The following VTI1A variants were observed in gnomAD, a reference collection of about 807,000 sequenced individuals.
VTI1A encodes the protein vesicle transport through interaction with t-SNAREs homolog 1A.
VTI1A carries 22 observed loss-of-function variants against 34.9 expected under a neutral mutation model. The ratio of observed to expected loss-of-function variants is 0.63; its 90% confidence interval spans 0.45 to 0.90. VTI1A has a LOEUF of 0.90. Ranked by LOEUF, VTI1A falls within the 40% of genes least tolerant of loss-of-function variation. VTI1A has a pLI of 0.00. For synonymous variants in VTI1A, 87 were observed against 97.3 expected (o/e 0.89, Z 0.62); for missense variants, 268 against 275.6 (o/e 0.97, Z 0.20).
intron 5 of VTI1A, among the ~76,000 whole-genome samples, chr10:112,620,528 C>A: frequency 6.6e-6 from 1 of 152,220 alleles, no homozygotes; most frequent in African/African-American, 2.4e-5. Flanking sequence ...CGGTGGCTCA[C>A]GTCTGTAATC....
intron 7 of VTI1A, among the ~76,000 whole-genome samples, chr10:112,742,485 C>G (rs1379062516): frequency 6.6e-6 from 1 of 152,148 alleles, no homozygotes; most frequent in African/African-American, 2.4e-5. Context: ...ATAAGAAACC[C>G]AAAACTATTT....
At chr10:112,660,673 T>C (rs920644797) in intron 5 of VTI1A, among the ~76,000 whole-genome samples, 1 of 152,216 alleles carries the variant, frequency 6.6e-6, no homozygotes, top group Non-Finnish European at 1.5e-5. Flanking sequence ...ACTGAGGAAC[T>C]AAAGTCTTAT....
chr10:112,669,477 G>T (rs79233749), intron 7 of VTI1A, among the ~76,000 whole-genome samples: 1 of 152,118 alleles, frequency 6.6e-6, no homozygotes, highest in African/African-American at 2.4e-5. Flanking sequence ...TTTATAAAAC[G>T]TCAAGATTAT....
chr10:112,552,121 G>A (rs1030059832), intron 5 of VTI1A, among the ~76,000 whole-genome samples: 2 of 152,034 alleles, frequency 1.3e-5, no homozygotes, highest in Non-Finnish European at 2.9e-5. Context: ...TAACACAGGC[G>A]ATAACATTGT....
At chr10:112,712,474 T>TCACACACACACACACA (rs60129148) in intron 7 of VTI1A, among the ~76,000 whole-genome samples, 47 of 143,486 alleles carry the variant, frequency 3.3e-4, no homozygotes, top group African/African-American at 1.2e-3. Context: ...TCAACTATTA[T>TCACACACACACACACA]CACACACACA....
At chr10:112,713,994 C>T (rs573758171) in intron 7 of VTI1A, among the ~76,000 whole-genome samples, 41 of 152,244 alleles carry the variant, frequency 2.7e-4, no homozygotes, top group Admixed American at 2.3e-3. Flanking sequence ...CTTTTCCTTC[C>T]ACTCTTCCCC....
chr10:112,717,861 T>A (rs1482368697), intron 7 of VTI1A, among the ~76,000 whole-genome samples: 1 of 152,138 alleles, frequency 6.6e-6, no homozygotes, highest in Non-Finnish European at 1.5e-5. Flanking sequence ...TGCAACCAGT[T>A]TTGGAAAATA....
At chr10:112,814,846 T>G (rs1223827828) in intron 7 of VTI1A, among the ~76,000 whole-genome samples, 2 of 152,206 alleles carry the variant, frequency 1.3e-5, no homozygotes, top group Non-Finnish European at 2.9e-5. Context: ...CAGGTATTTT[T>G]GTGCAGGTAA....
chr10:112,702,879 C>T (rs893480322), intron 7 of VTI1A, among the ~76,000 whole-genome samples: 11 of 152,216 alleles, frequency 7.2e-5, no homozygotes, highest in African/African-American at 2.2e-4. Context: ...ACCCACTGCG[C>T]CTGGCTCTGC....
At chr10:112,823,701 G>A (rs72824074), downstream of VTI1A, 5,860 of 152,304 alleles carry the variant, frequency 0.038, 147 homozygotes, top group East Asian at 0.052. Context: ...AAATGCAGCC[G>A]CATGTTCCGC....
intron 3 of VTI1A, among the ~76,000 whole-genome samples, chr10:112,474,342 C>T (rs866759070): frequency 7.9e-5 from 12 of 152,116 alleles, no homozygotes; most frequent in Admixed American, 3.3e-4. Flanking sequence ...CGTGAGCCAC[C>T]ACGCCCGGCA....
chr10:112,462,512 C>T (rs1847757823), intron 2 of VTI1A, among the ~76,000 whole-genome samples: 1 of 152,116 alleles, frequency 6.6e-6, no homozygotes, highest in African/African-American at 2.4e-5. Context: ...ATCCTGTTTA[C>T]CTTGTTAGAA....
rs532821095 is a variant in VTI1A at position 112,750,074 on chromosome 10, G to A, written c.561-65216G>A. The stretch of plus-strand genomic sequence containing the variant: ...GTTACCTGGAGGTAGAGATGAATGA[G>A]GAGGAACTGTCACATGTTATCTTAT... On this transcript the variant is annotated intron_variant, in intron 7 of 7. Coordinates refer to ENST00000393077, the MANE Select transcript of VTI1A (RefSeq NM_145206.4). 4.6e-5 allele frequency among the ~76,000 whole-genome samples: 7 copies of A among 152,330 alleles called. No homozygotes were observed. The South Asian group carries it at 1.5e-3, about 32-fold the overall frequency.
At chr10:112,751,651 A>G (rs1851110906) in intron 7 of VTI1A, among the ~76,000 whole-genome samples, 1 of 152,156 alleles carries the variant, frequency 6.6e-6, no homozygotes, top group Non-Finnish European at 1.5e-5. Context: ...AATAGGACCA[A>G]TAAAGGGGAT....
At chr10:112,480,721 G>A (rs1848434712) in intron 3 of VTI1A, among the ~76,000 whole-genome samples, 1 of 152,026 alleles carries the variant, frequency 6.6e-6, no homozygotes, top group East Asian at 1.9e-4. Flanking sequence ...AGGAAGGGGA[G>A]GACTGGAGTG....
chr10:112,830,933 T>C, the VTI1A span, among the ~76,000 whole-genome samples: 1 of 148,196 alleles, frequency 6.7e-6, no homozygotes, highest in Non-Finnish European at 1.5e-5. Flanking sequence ...CACAGCAGCT[T>C]TGACCCCCCA....
intron 5 of VTI1A, among the ~76,000 whole-genome samples, chr10:112,584,565 G>A (rs1844076123): frequency 6.6e-6 from 1 of 152,206 alleles, no homozygotes; most frequent in Non-Finnish European, 1.5e-5. Flanking sequence ...ATTGGAAGCA[G>A]CAGCTTCCTC....
intron 5 of VTI1A, among the ~76,000 whole-genome samples, chr10:112,565,813 C>T (rs1851888459): frequency 6.6e-6 from 1 of 152,112 alleles, no homozygotes; most frequent in Non-Finnish European, 1.5e-5. Context: ...ATATACGTCA[C>T]TTTTTAAATC....
rs546279892 is a variant in VTI1A, at chr10:112,767,773, G to A, written c.561-47517G>A. On this transcript the variant is annotated intron_variant, in intron 7 of 7. Transcript: ENST00000393077. This position sits in a 1 kb window ranked among gnomAD's most constrained non-coding sequence, Gnocchi z 4.0. ...TTTAAAATTGTTTGAAGACCAATGG[G>A]ACATGTAACTAACTTATTTTAAACA... Among the ~76,000 whole-genome samples, 1 of 152,120 alleles carries A rather than the reference G, an allele frequency of 6.6e-6. No homozygotes were observed. The highest frequency in any genetic ancestry group is 6.5e-5 in the Admixed American group (1 of 15,290).
Sources: allele counts gnomAD v4.1 joint callset (sites outside exome capture counted in the v4.1 genomes callset), GRCh38; gene constraint gnomAD v4.1.1; non-coding constraint Gnocchi (gnomAD v3.1); transcripts MANE v1.5; gene names NCBI Gene and HGNC (gene_info 2026-07-23, HGNC 2026-07-21).